The following DLGAP2 variants were observed in gnomAD, a reference collection of about 807,000 sequenced individuals.
DLGAP2 encodes disks large-associated protein 2.
A neutral mutation model predicts 100.3 loss-of-function variants in DLGAP2; 26 were observed. The observed-to-expected ratio is 0.26, with a 90% CI of 0.19 to 0.36. The LOEUF (loss-of-function observed/expected upper bound fraction) is 0.36, where lower values mean the gene tolerates loss of function less well. Ranked by LOEUF, DLGAP2 falls within the 10% of genes least tolerant of loss-of-function variation. DLGAP2 has a pLI of 1.00. For synonymous variants in DLGAP2, 886 were observed against 630.1 expected, an observed-to-expected ratio of 1.41 and a Z score of -6.08; for missense variants, 1,858 against 1,453.2, an observed-to-expected ratio of 1.28 and a Z score of -4.53.
intron 8 of DLGAP2, among the ~76,000 whole-genome samples, chr8:1,661,282 G>C (rs574412206): frequency 6.6e-6 from 1 of 152,306 alleles, no homozygotes; most frequent in East Asian, 1.9e-4. Context: ...CTGCAGACCT[G>C]TGTGGTGCAT....
At chr8:745,662 T>C (rs1401495002) in intron 1 of DLGAP2, among the ~76,000 whole-genome samples, 1 of 152,234 alleles carries the variant, frequency 6.6e-6, no homozygotes, top group Non-Finnish European at 1.5e-5. Context: ...TTTCATAGTA[T>C]AATATTGGAA....
At chr8:1,303,376 G>A (rs1363709521) in intron 3 of DLGAP2, among the ~76,000 whole-genome samples, 1 of 142,144 alleles carries the variant, frequency 7.0e-6, no homozygotes, top group Admixed American at 7.6e-5. Flanking sequence ...CAGCCTGGGC[G>A]ACAGAGCGAG....
intron 1 of DLGAP2, chr8:753,711 C>T (rs1820849880): frequency 6.6e-6 from 1 of 152,240 alleles, no homozygotes; most frequent in African/African-American, 2.4e-5. Context: ...CGTGCCGGCT[C>T]ACCAGATGGA....
At chr8:963,692 ATT>A (rs1415315876) in intron 2 of DLGAP2, among the ~76,000 whole-genome samples, 1 of 94,534 alleles carries the variant, frequency 1.1e-5, no homozygotes, top group Non-Finnish European at 3.0e-5. Flanking sequence ...GTGAATTTTA[ATT>A]AATTTAATAT....
intron 1 of DLGAP2, among the ~76,000 whole-genome samples, chr8:786,530 A>G (rs1321862365): frequency 5.3e-5 from 8 of 152,206 alleles, no homozygotes; most frequent in Non-Finnish European, 2.9e-5. Context: ...CTTGCTGTAC[A>G]CAAAGGCACT....
At chr8:1,667,917 G>A (rs756876104) in intron 8 of DLGAP2, among the ~76,000 whole-genome samples, 5 of 151,390 alleles carry the variant, frequency 3.3e-5, no homozygotes, top group African/African-American at 9.7e-5. Flanking sequence ...GCTGTCCTGC[G>A]GGGACACACC....
intron 3 of DLGAP2, among the ~76,000 whole-genome samples, chr8:1,487,947 G>C (rs1028955744): frequency 6.6e-6 from 1 of 152,134 alleles, no homozygotes. Flanking sequence ...CATCTTTCCC[G>C]GGACATTCAC....
At chr8:1,127,277 C>T (rs1317201672) in intron 2 of DLGAP2, among the ~76,000 whole-genome samples, 1 of 151,812 alleles carries the variant, frequency 6.6e-6, no homozygotes, top group Admixed American at 6.6e-5. Flanking sequence ...ATTGGGGTGA[C>T]TCCAGGTCGG....
At chr8:1,210,145 C>T (rs572157952) in intron 2 of DLGAP2, among the ~76,000 whole-genome samples, 19 of 152,206 alleles carry the variant, frequency 1.2e-4, no homozygotes, top group African/African-American at 4.3e-4. Flanking sequence ...CAGATTTACA[C>T]GTCACCCCCC....
chr8:1,569,736 A>G (rs1288576849), intron 6 of DLGAP2, among the ~76,000 whole-genome samples: 2 of 152,254 alleles, frequency 1.3e-5, no homozygotes, highest in African/African-American at 4.8e-5. Flanking sequence ...CAAGCCACCA[A>G]GGCTCTCAGC....
rs540625837 is a variant in DLGAP2, at chr8:1,565,829, G to T, written c.1377G>T (p.Lys459Asn). 1.7e-5 allele frequency: 28 copies of T among 1,613,684 alleles called. 2 individuals carry two copies. In the South Asian group the frequency reaches 3.1e-4, roughly 18 times the overall value. ...ACTCCAGCCCCAAGACATCACCAAA[G>T]TCGGCAATCCTACCAGAGCCGCTGC... Reference protein sequence around the residue: ...ESDSSPKTSPKSAILPEPLLK... With the variant: ...ESDSSPKTSPNSAILPEPLLK... The change falls in exon 6 of 15, where the codon AAG becomes AAT. Residue 459 changes from lysine to asparagine, a missense_variant. By Grantham distance (94) the Lys-to-Asn change is moderately conservative. Coordinates refer to ENST00000637795, the MANE Select transcript of DLGAP2 (RefSeq NM_001346810.2).
At chr8:1,669,228 T>A (rs1488071833) in intron 9 of DLGAP2, among the ~76,000 whole-genome samples, 1 of 152,172 alleles carries the variant, frequency 6.6e-6, no homozygotes, top group Non-Finnish European at 1.5e-5. Context: ...GTTGCATCCA[T>A]GGTTTCAGAC....
At chr8:1,265,600 T>C (rs1799434998) in intron 3 of DLGAP2, among the ~76,000 whole-genome samples, 1 of 152,208 alleles carries the variant, frequency 6.6e-6, no homozygotes, top group East Asian at 1.9e-4. Flanking sequence ...GCCTCTTTGA[T>C]CTAAAGACTC....
chr8:1,336,717 G>A (rs180675778), intron 3 of DLGAP2, among the ~76,000 whole-genome samples: 1 of 152,300 alleles, frequency 6.6e-6, no homozygotes, highest in Non-Finnish European at 1.5e-5. Flanking sequence ...CCCTAAATAA[G>A]ACAGATGCAT....
chr8:1,411,644 T>A (rs1169296963), intron 3 of DLGAP2, among the ~76,000 whole-genome samples: 1 of 152,158 alleles, frequency 6.6e-6, no homozygotes, highest in Non-Finnish European at 1.5e-5. Flanking sequence ...TCCTCTCCTT[T>A]CCCTCCTGCT....
chr8:1,576,482 A>C (rs888013192), intron 6 of DLGAP2, among the ~76,000 whole-genome samples: 1 of 152,038 alleles, frequency 6.6e-6, no homozygotes, highest in Non-Finnish European at 1.5e-5. Context: ...ATTAGATCCC[A>C]TTTGTCAATT....
intron 3 of DLGAP2, among the ~76,000 whole-genome samples, chr8:1,326,830 G>C (rs1404856858): frequency 6.6e-6 from 1 of 152,166 alleles, no homozygotes; most frequent in East Asian, 1.9e-4. Context: ...CATTTTCACA[G>C]TACCTTCCTC....
chr8:1,267,979 G>A (rs1196903009), intron 3 of DLGAP2, among the ~76,000 whole-genome samples: 2 of 152,204 alleles, frequency 1.3e-5, no homozygotes, highest in Non-Finnish European at 2.9e-5. Context: ...TAGAATCAGA[G>A]GTGAAGCCAC....
chr8:1,278,382 G>C (rs562755240), intron 3 of DLGAP2, among the ~76,000 whole-genome samples: 8 of 152,168 alleles, frequency 5.3e-5, no homozygotes, highest in Non-Finnish European at 8.8e-5. Context: ...CGGCGCAGTC[G>C]TGAGCCTGGT....
Sources: gnomAD v4.1 joint callset for allele counts (sites outside exome capture counted in the v4.1 genomes callset) on GRCh38, gnomAD v4.1.1 for gene constraint, MANE v1.5 for transcripts, NCBI Gene and HGNC (gene_info 2026-07-23, HGNC 2026-07-21) for gene names.